Variants in GRM5 observed in about 807,000 individuals in gnomAD.
The protein encoded by GRM5 is metabotropic glutamate receptor 5.
Under a neutral mutation model 83.1 loss-of-function variants are expected in GRM5, and 19 were observed. The observed-to-expected ratio is 0.23, with a 90% CI of 0.16 to 0.34. GRM5 has a LOEUF of 0.34. GRM5 is among the 10% of genes least tolerant of loss of function. The pLI is 1.00. For synonymous variants in GRM5, 675 were observed against 633.6 expected, an observed-to-expected ratio of 1.07 and a Z score of -0.98; for missense variants, 1,160 against 1,588.3, an observed-to-expected ratio of 0.73 and a Z score of 4.58.
At chr11:88,648,802 T>C (rs1247910285) in intron 4 of GRM5, among the ~76,000 whole-genome samples, 2 of 151,542 alleles carry the variant, frequency 1.3e-5, no homozygotes, top group African/African-American at 4.8e-5. Context: ...TTCTGAATCA[T>C]AGAAAAAAGA....
chr11:88,722,222 A>G (rs1473142990), intron 3 of GRM5, among the ~76,000 whole-genome samples: 5 of 152,136 alleles, frequency 3.3e-5, no homozygotes, highest in African/African-American at 9.7e-5. Flanking sequence ...GGAGGGTGGA[A>G]TAGCAGAATT....
intron 3 of GRM5, among the ~76,000 whole-genome samples, chr11:88,786,752 T>C (rs1943076424): frequency 6.7e-6 from 1 of 150,352 alleles, no homozygotes; most frequent in South Asian, 2.1e-4. Flanking sequence ...GCTTTATTTA[T>C]TTTTTTACGT....
intron 7 of GRM5, among the ~76,000 whole-genome samples, chr11:88,569,829 C>T (rs1942949409): frequency 6.6e-6 from 1 of 152,218 alleles, no homozygotes; most frequent in Admixed American, 6.5e-5. Flanking sequence ...AACAAATCCT[C>T]ATTGATAAGG....
chr11:89,063,254 G>A (rs1015910000), intron 1 of GRM5, among the ~76,000 whole-genome samples: 1 of 152,138 alleles, frequency 6.6e-6, no homozygotes, highest in Admixed American at 6.5e-5. Flanking sequence ...TTCAACCCTT[G>A]CAGCTCTTCC....
intron 3 of GRM5, among the ~76,000 whole-genome samples, chr11:88,664,793 T>G (rs967680840): frequency 1.3e-5 from 2 of 152,062 alleles, no homozygotes; most frequent in Non-Finnish European, 2.9e-5. Flanking sequence ...AATTTAGGGA[T>G]TATTTAAAGT....
intron 2 of GRM5, among the ~76,000 whole-genome samples, chr11:89,024,886 T>A (rs1024305448): frequency 2.0e-5 from 3 of 152,116 alleles, no homozygotes; most frequent in African/African-American, 7.2e-5. Context: ...AACTGACTGT[T>A]AAACAAGTGA....
At chr11:88,622,695 G>A (rs1457143231) in intron 4 of GRM5, among the ~76,000 whole-genome samples, 3 of 152,026 alleles carry the variant, frequency 2.0e-5, no homozygotes, top group Admixed American at 6.6e-5. Context: ...AGTATGTATT[G>A]AGCAGCAACT....
chr11:88,859,327 A>C (rs1237043685), intron 2 of GRM5, among the ~76,000 whole-genome samples: 1 of 152,064 alleles, frequency 6.6e-6, no homozygotes, highest in African/African-American at 2.4e-5. Flanking sequence ...AGAAGGGGTT[A>C]TTTTAGGTAA....
At chr11:89,020,720 T>C (rs1419920860) in intron 2 of GRM5, among the ~76,000 whole-genome samples, 3 of 152,200 alleles carry the variant, frequency 2.0e-5, no homozygotes, top group African/African-American at 7.2e-5. Context: ...GTGAGACCAT[T>C]CATTACATAT....
chr11:88,549,081 G>A (rs1942445161), intron 8 of GRM5, among the ~76,000 whole-genome samples: 1 of 152,172 alleles, frequency 6.6e-6, no homozygotes, highest in South Asian at 2.1e-4. Context: ...AAACACTTGG[G>A]TTAGGAATTG....
chr11:88,859,890 C>T (rs966392445), intron 2 of GRM5, among the ~76,000 whole-genome samples: 3 of 152,084 alleles, frequency 2.0e-5, no homozygotes, highest in African/African-American at 7.2e-5. Flanking sequence ...CCCCATGTTG[C>T]TGATAGTTGG....
intron 3 of GRM5, among the ~76,000 whole-genome samples, chr11:88,800,917 C>T (rs913534617): frequency 7.2e-5 from 11 of 152,088 alleles, no homozygotes; most frequent in Non-Finnish European, 1.0e-4. Flanking sequence ...GTGTGGGGGG[C>T]TTTTAAACAG....
chr11:88,933,669 CTA>C (rs1937794460), intron 2 of GRM5, among the ~76,000 whole-genome samples: 2 of 151,802 alleles, frequency 1.3e-5, no homozygotes, highest in Non-Finnish European at 2.9e-5. Flanking sequence ...TCAACTTTTA[CTA>C]TCTTAATTCT....
At chr11:88,815,008 T>A (rs1302933218) in intron 3 of GRM5, among the ~76,000 whole-genome samples, 1 of 152,160 alleles carries the variant, frequency 6.6e-6, no homozygotes, top group Non-Finnish European at 1.5e-5. Context: ...CCTCTCTCAA[T>A]AACTTGACAA....
chr11:88,960,924 A>G (rs1938764027), intron 2 of GRM5, among the ~76,000 whole-genome samples: 1 of 152,204 alleles, frequency 6.6e-6, no homozygotes, highest in African/African-American at 2.4e-5. Context: ...GGTTTTTAAC[A>G]GATATTAGCA....
intron 7 of GRM5, among the ~76,000 whole-genome samples, chr11:88,571,075 AC>A (rs1942990341): frequency 1.3e-5 from 2 of 152,198 alleles, no homozygotes; most frequent in South Asian, 4.1e-4. Context: ...GTAATTAAAC[AC>A]TTAATTTTAC....
At chr11:88,855,343 C>A (rs189980826) in intron 2 of GRM5, among the ~76,000 whole-genome samples, 1 of 151,854 alleles carries the variant, frequency 6.6e-6, no homozygotes, top group East Asian at 1.9e-4. Flanking sequence ...ACAGACACCC[C>A]ACATATTCTC....
At chr11:88,860,628 C>T (rs1256054106) in intron 2 of GRM5, among the ~76,000 whole-genome samples, 2 of 152,142 alleles carry the variant, frequency 1.3e-5, no homozygotes, top group Non-Finnish European at 2.9e-5. Context: ...ACAGCAGCTC[C>T]CTGGCCTGCC....
In GRM5 at chr11:88,970,035, C is replaced by G. The variant is rs558229249; in HGVS notation, c.661+77177G>C. ...AGTAGGTATTACCTCCTGTGGGAAA[C>G]GTTTCTTGATTTTCTTCCGTATCTA... On this transcript the variant is annotated intron_variant, in intron 2 of 9. Transcript: ENST00000305447. Among the ~76,000 whole-genome samples the G allele has an allele frequency of 2.6e-5, 4 of 152,140 alleles. No homozygotes were observed. In the South Asian group the frequency reaches 8.3e-4, roughly 31 times the overall value.
Sources: allele counts gnomAD v4.1 joint callset (sites outside exome capture counted in the v4.1 genomes callset), GRCh38; gene constraint gnomAD v4.1.1; transcripts MANE v1.5; gene names NCBI Gene and HGNC (gene_info 2026-07-23, HGNC 2026-07-21).